Variants in NUMA1 observed in about 807,000 individuals in gnomAD.
The protein encoded by NUMA1 is nuclear mitotic apparatus protein 1.
NUMA1 carries 62 observed loss-of-function variants against 237.1 expected under a neutral mutation model. The observed-to-expected ratio is 0.26, with a 90% CI of 0.21 to 0.32. The LOEUF is 0.32. Among genes scored for constraint, NUMA1 ranks in the 10% least tolerant of loss-of-function variants. The pLI is 1.00. For missense variants in NUMA1, 2,533 were observed against 2,666.5 expected, an observed-to-expected ratio of 0.95 and a Z score of 1.10; for synonymous variants, 1,028 against 1,066.1, an observed-to-expected ratio of 0.96 and a Z score of 0.70.
In NUMA1 at chr11:72,057,683, G is replaced by T. The variant is rs187387152; in HGVS notation, c.-33+12159C>A. 3.7e-3 allele frequency among the ~76,000 whole-genome samples: 565 copies of T among 151,580 alleles called. 4 individuals carry two copies. Among genetic ancestry groups the T allele is most frequent in the African/African-American group, 0.013 (546 of 41,252 alleles). On this transcript the variant is annotated intron_variant, in intron 2 of 26. Transcript: ENST00000393695. ...TGCTTGAACCCGGGAGGTGGAGGTT[G>T]CAGTGAGCCAAGATTGCACCACTGT...
At chr11:72,007,006 T>C (rs1955766723) in intron 21 of NUMA1, among the ~76,000 whole-genome samples, 183 bp downstream of exon 21, 1 of 152,230 alleles carries the variant, frequency 6.6e-6, no homozygotes, top group Admixed American at 6.5e-5. Context: ...ATCCTAGCCC[T>C]GCCTTTTTCT....
In NUMA1 at chr11:72,015,788, T is replaced by G; in HGVS notation, c.1715A>C (p.Glu572Ala). 6.2e-7 allele frequency: 1 copy of G among 1,614,212 alleles called. No individual in the cohort carries two copies. Residue 572 changes from glutamate (E) to alanine (A), a missense_variant, in exon 15 of 27, where the codon GAG (glutamate) becomes GCG (alanine). Around this residue, in one of 3 missense-constraint regions of NUMA1, gnomAD observed 1,414 missense variants for 1,508.1 expected, o/e 0.94. Coordinates refer to ENST00000393695, the MANE Select transcript of NUMA1 (RefSeq NM_006185.4). The surrounding 1 kb of genome is among the most constrained non-coding windows in gnomAD (Gnocchi z 4.0). Reference protein sequence around the residue: ...QKEQQLKEVAEKQEATRQDHA... With the variant: ...QKEQQLKEVAAKQEATRQDHA... Reference sequence around the variant, plus strand: ...GTCCTGCCTAGTTGCCTCCTGCTTCTCCGCTACCTCCTTCAACTGCTGCTC... The same window carrying G: ...GTCCTGCCTAGTTGCCTCCTGCTTCGCCGCTACCTCCTTCAACTGCTGCTC...
intron 3 of NUMA1, among the ~76,000 whole-genome samples, chr11:72,030,403 T>A (rs1309444043): frequency 1.3e-5 from 2 of 151,984 alleles, no homozygotes; most frequent in African/African-American, 4.8e-5. Flanking sequence ...GAATAGGAGC[T>A]GGGAATTTCA....
chr11:72,075,058 TAAATA>T (rs1943645810), intron 1 of NUMA1, among the ~76,000 whole-genome samples: 1 of 151,170 alleles, frequency 6.6e-6, no homozygotes. Context: ...AATAAATAAA[TAAATA>T]AAATAAAAAT....
chr11:72,015,146 CGCA>C lies in NUMA1; in HGVS notation c.2354_2356del (p.Leu785del), dbSNP rs1956436816. On this transcript the variant is annotated inframe_deletion, in exon 15 of 27. Transcript: ENST00000393695. The surrounding 1 kb of genome is among the most constrained non-coding windows in gnomAD (Gnocchi z 4.0). ...AGCCATGGCCTCTGCCAGCTCCCGC[CGCA>C]GGACTTCAGTCTCAGCCTGATGGGC... is the stretch of plus-strand genomic sequence containing the variant. The C allele has an allele frequency of 6.2e-7, 1 of 1,613,398 alleles. No individual in the cohort carries two copies. Among genetic ancestry groups the C allele is most frequent in the Non-Finnish European group, 8.5e-7 (1 of 1,180,040 alleles).
chr11:72,007,107 CCTGA>C (rs768184968), intron 21 of NUMA1, 78 bp downstream of exon 21: 27 of 1,532,122 alleles, frequency 1.8e-5, no homozygotes, highest in African/African-American at 1.4e-4. Flanking sequence ...CCTCCCTGCT[CCTGA>C]CTGAGTGCCC....
chr11:72,018,992 G>C lies in NUMA1; in HGVS notation c.585-12C>G. On this transcript the variant is annotated splice_polypyrimidine_tract_variant and intron_variant, in intron 9 of 26. Coordinates refer to ENST00000393695, the MANE Select transcript of NUMA1 (RefSeq NM_006185.4). ...AACCTGAGAGAAAGCTGAGGAGGGA[G>C]AAGGCCCATATGCATTGGTAAGCGC... 1 of 1,613,450 alleles carries C rather than the reference G, an allele frequency of 6.2e-7. No individual in the cohort carries two copies. The highest frequency in any genetic ancestry group is 8.5e-7 in the Non-Finnish European group (1 of 1,179,914).
chr11:72,008,220 A>G (rs1195204456), intron 20 of NUMA1: 4 of 433,106 alleles, frequency 9.2e-6, no homozygotes, highest in Non-Finnish European at 1.4e-5. Flanking sequence ...TAGCTATTAG[A>G]ATAATCTTTT....
At chr11:72,073,629 G>A (rs1301877973) in intron 1 of NUMA1, among the ~76,000 whole-genome samples, 1 of 152,176 alleles carries the variant, frequency 6.6e-6, no homozygotes, top group Non-Finnish European at 1.5e-5. Flanking sequence ...TGAGGAGAAA[G>A]ACTTATGAGT....
At chr11:72,003,783 A>G in intron 26 of NUMA1, 104 bp downstream of exon 26, 1 of 1,255,258 alleles carries the variant, frequency 8.0e-7, no homozygotes, top group Non-Finnish European at 1.1e-6. Flanking sequence ...CACACCCTCC[A>G]GCAGCCTGGC....
At chr11:72,012,799 C>G in intron 15 of NUMA1, 96 bp downstream of exon 15, 2 of 1,503,150 alleles carry the variant, frequency 1.3e-6, no homozygotes, top group Non-Finnish European at 1.8e-6. Context: ...GCAAGACACT[C>G]CAGTGTAGGA....
chr11:72,041,039 G>A (rs556980187), intron 2 of NUMA1: 4 of 152,090 alleles, frequency 2.6e-5, no homozygotes, highest in Non-Finnish European at 5.9e-5. Context: ...AGGAAGGGGG[G>A]GCCAGTGGAA....
chr11:72,006,240 G>A lies in NUMA1; in HGVS notation c.5487C>T (p.Asp1829=), dbSNP rs756144350. 2 of 1,614,198 alleles carry A rather than the reference G, an allele frequency of 1.2e-6. No homozygotes were observed. The highest frequency in any genetic ancestry group is 1.7e-6 in the Non-Finnish European group (2 of 1,180,018). Residue 1829 remains aspartate, a synonymous_variant, in exon 22 of 27, where the codon GAC becomes GAT. Transcript: ENST00000393695. ...TGCTGTAGAACGATGAGTTGGCGCT[G>A]TCTGGCTCTTCCACATCTAGCTTCT... ...MTKKLDVEEP[D]SANSSFYSTR...
chr11:72,005,366 C>T lies in NUMA1; in HGVS notation c.5696G>A (p.Arg1899Lys), dbSNP rs1200317814. The T allele has an allele frequency of 6.2e-7, 1 of 1,604,724 alleles. No individual in the cohort carries two copies. Among genetic ancestry groups the T allele is most frequent in the South Asian group, 1.1e-5 (1 of 89,714 alleles). Residue 1899 changes from arginine to lysine, a missense_variant, in exon 23 of 27, where the codon AGG becomes AAG. By Grantham distance (26) the Arg-to-Lys change is conservative (BLOSUM62 2). This residue lies in a region of NUMA1 where 795 missense variants were observed against 750.8 expected (regional missense o/e 1.06). Coordinates refer to ENST00000393695, the MANE Select transcript of NUMA1 (RefSeq NM_006185.4). ...GCAAGTGCCCATGTAGAAGCTGTTCCTTCCTGTGGAAGGCAGGGAAGTGGG... is the reference window on the plus strand; with the variant it reads ...GCAAGTGCCCATGTAGAAGCTGTTCTTTCCTGTGGAAGGCAGGGAAGTGGG... ...AGVSSGAPPG[R>K]NSFYMGTCQD...
intron 1 of NUMA1, among the ~76,000 whole-genome samples, chr11:72,073,841 T>C (rs1943578025): frequency 6.6e-6 from 1 of 152,132 alleles, no homozygotes; most frequent in African/African-American, 2.4e-5. Flanking sequence ...GTGCCTCAGT[T>C]GCCTTCCCTG....
chr11:72,063,390 A>C (rs1456825364), intron 2 of NUMA1, among the ~76,000 whole-genome samples: 1 of 151,868 alleles, frequency 6.6e-6, no homozygotes, highest in African/African-American at 2.4e-5. Context: ...TCTCAAAACA[A>C]AGAAACAAAG....
rs1200591242 is a variant in NUMA1 at position 72,036,080 on chromosome 11, C to G, written c.-32-105G>C. 5 of 807,708 alleles carry G rather than the reference C, an allele frequency of 6.2e-6. No individual in the cohort carries two copies. In the East Asian group the frequency reaches 1.3e-4, roughly 21 times the overall value. 50.0% of individuals were successfully genotyped at this position (807,708 alleles called of 1,614,324 possible). ...TTGCCAATTCTCAACACTTAAATCA[C>G]TCTTCACTGAATCCACCAAGACACC... is the stretch of plus-strand genomic sequence containing the variant. On this transcript the variant is annotated intron_variant, in intron 2 of 26. Coordinates refer to ENST00000393695, the MANE Select transcript of NUMA1 (RefSeq NM_006185.4).
chr11:72,034,205 A>G (rs1395961209), intron 3 of NUMA1, among the ~76,000 whole-genome samples: 2 of 152,230 alleles, frequency 1.3e-5, no homozygotes, highest in Admixed American at 1.3e-4. Flanking sequence ...TGTGTCAACT[A>G]GCATGCCCAG....
Position 72,003,649 on chromosome 11 carries a change from T to C in NUMA1, c.6337-111A>G, listed in dbSNP as rs5743682. The C allele has an allele frequency of 1.2e-3, 1,712 of 1,412,232 alleles. 4 individuals are homozygous for C. The highest frequency in any genetic ancestry group is 1.6e-3 in the Non-Finnish European group (1,617 of 1,000,588). The allele number at this position is 1,412,232 out of a possible 1,614,324, so 87.5% of individuals were successfully genotyped here. A position where few individuals can be genotyped will look rare whatever the true frequency, so the allele number is the denominator to read the frequency against. The stretch of plus-strand genomic sequence containing the variant: ...ACGCCCCTGTCTGGATCCCCTCCCT[T>C]GTGAGCCCCAGGGTTATCAGTTGCT... On this transcript the variant is annotated intron_variant, in intron 26 of 26. Coordinates refer to ENST00000393695, the MANE Select transcript of NUMA1 (RefSeq NM_006185.4).
Sources: allele counts gnomAD v4.1 joint callset (sites outside exome capture counted in the v4.1 genomes callset), GRCh38; gene constraint gnomAD v4.1.1; regional missense constraint gnomAD v4.1.1; non-coding constraint Gnocchi (gnomAD v3.1); transcripts MANE v1.5; gene names NCBI Gene and HGNC (gene_info 2026-07-23, HGNC 2026-07-21).